TASOR2: variants seen among roughly 807,000 people sequenced by gnomAD.
TASOR2 encodes the protein transcription activation suppressor family member 2.
Under a neutral mutation model 199.5 loss-of-function variants are expected in TASOR2, and 84 were observed. The observed-to-expected ratio is 0.42, with a 90% CI of 0.35 to 0.50. TASOR2 has a LOEUF of 0.50. TASOR2 is among the 20% of genes least tolerant of loss of function. The pLI is 0.02. For synonymous variants in TASOR2, 1,103 were observed against 1,046.6 expected, an observed-to-expected ratio of 1.05 and a Z score of -1.04; for missense variants, 2,796 against 2,835.9, an observed-to-expected ratio of 0.99 and a Z score of 0.32.
At chr10:5,758,650 A>G (rs1839322521) in intron 17 of TASOR2, among the ~76,000 whole-genome samples, 1 of 152,162 alleles carries the variant, frequency 6.6e-6, no homozygotes, top group Admixed American at 6.5e-5. Flanking sequence ...TGACCACTCC[A>G]CTGTGTTCGT....
rs534918120 is a variant in TASOR2 at position 5,722,327 on chromosome 10, G to A, written c.147-1350G>A. On this transcript the variant is annotated intron_variant, in intron 6 of 20. Coordinates refer to ENST00000328090, the Ensembl canonical transcript of TASOR2. The surrounding 1 kb of genome is among the most constrained non-coding windows in gnomAD (Gnocchi z 4.0). The stretch of plus-strand genomic sequence containing the variant: ...AAAAATTAGCCGGGCGTGGTGGCAC[G>A]TGCCTGTGATCCTAGCTACTGGGGA... Among the ~76,000 whole-genome samples, 15 of 152,166 alleles carry A rather than the reference G, an allele frequency of 9.9e-5. No individual in the cohort carries two copies. The highest frequency in any genetic ancestry group is 2.1e-4 in the South Asian group (1 of 4,822).
Position 5,757,685 on chromosome 10 carries a change from TTTTCTTTTCCTG to T in TASOR2, c.6886+20_6886+31del. On this transcript the variant is annotated intron_variant, in intron 17 of 20. Coordinates refer to ENST00000328090, the Ensembl canonical transcript of TASOR2. ...AGCTGTAACATTAGGTTGGTCTTTA[TTTTCTTTTCCTG>T]TTTCTTTGAAGTCAGATCAACTTCT... 1.9e-6 allele frequency: 3 copies of T among 1,611,490 alleles called. No individual in the cohort carries two copies. The highest frequency in any genetic ancestry group is 2.5e-6 in the Non-Finnish European group (3 of 1,179,248).
In TASOR2 at chr10:5,750,897, TTGTCA is replaced by T. The variant is rs1220898280; in HGVS notation, c.6606+875_6606+879del. On this transcript the variant is annotated intron_variant, in intron 15 of 20. Coordinates refer to ENST00000328090, the Ensembl canonical transcript of TASOR2. The surrounding 1 kb of genome is among the most constrained non-coding windows in gnomAD (Gnocchi z 5.4). ...GGTCTAGGATCATAGGTGTCTAGAA[TTGTCA>T]TGTCTTCAGTCTGCAATAGTTCCTC... is the stretch of plus-strand genomic sequence containing the variant. Among the ~76,000 whole-genome samples the T allele has an allele frequency of 1.8e-4, 27 of 152,352 alleles. No individual in the cohort carries two copies. The highest frequency in any genetic ancestry group is 6.0e-4 in the African/African-American group (25 of 41,592).
intron 19 of TASOR2, 151 bp from the exon 21 acceptor site, chr10:5,762,381 T>C: frequency 2.7e-6 from 1 of 367,742 alleles, no homozygotes; most frequent in Non-Finnish European, 4.9e-6. Flanking sequence ...AAGCTTCAAA[T>C]CTTTTCTTAA....
intron 17 of TASOR2, 139 bp from the exon 19 acceptor site, chr10:5,758,748 G>A: frequency 1.6e-6 from 1 of 635,354 alleles, no homozygotes; most frequent in Non-Finnish European, 2.7e-6. Flanking sequence ...AACCACATAA[G>A]TGACAGTGAT....
intron 17 of TASOR2, among the ~76,000 whole-genome samples, chr10:5,758,338 C>T (rs1368108163): frequency 1.3e-5 from 2 of 152,072 alleles, no homozygotes; most frequent in African/African-American, 2.4e-5. Flanking sequence ...ATCAGGAGTT[C>T]AAGACCAGCC....
chr10:5,718,350 T>G (rs1050131314), intron 3 of TASOR2, among the ~76,000 whole-genome samples: 1 of 149,138 alleles, frequency 6.7e-6, no homozygotes, highest in African/African-American at 2.5e-5. Flanking sequence ...GTTACTATCT[T>G]AAATTCTTTG....
chr10:5,729,857 T>G (rs1186288911), intron 10 of TASOR2, among the ~76,000 whole-genome samples: 2 of 146,940 alleles, frequency 1.4e-5, no homozygotes, highest in Admixed American at 1.4e-4. Flanking sequence ...TTATTCATTT[T>G]CAAAAAAAAG....
intron 1 of TASOR2, among the ~76,000 whole-genome samples, chr10:5,704,814 A>G (rs1208899258): frequency 1.3e-5 from 2 of 152,160 alleles, no homozygotes; most frequent in South Asian, 2.1e-4. Context: ...TGAACCATTT[A>G]TATGTAGGAT....
chr10:5,725,514 C>T lies in TASOR2; in HGVS notation c.351+981C>T, dbSNP rs1833946332. Among the ~76,000 whole-genome samples, 2 of 151,866 alleles carry T rather than the reference C, an allele frequency of 1.3e-5. 1 individual carries two copies. Among genetic ancestry groups the T allele is most frequent in the South Asian group, 4.2e-4 (2 of 4,804 alleles). On this transcript the variant is annotated intron_variant, in intron 8 of 20. Coordinates refer to ENST00000328090, the Ensembl canonical transcript of TASOR2. ...TGGCATGGTGGAACACATCTGTAAT[C>T]CCATTACTTTGGGAGGCCAAGGTGG...
intron 1 of TASOR2, among the ~76,000 whole-genome samples, chr10:5,707,078 A>G (rs1229298517): frequency 6.6e-6 from 1 of 152,198 alleles, no homozygotes; most frequent in African/African-American, 2.4e-5. Context: ...TTGCTAACAA[A>G]TACTAGGATA....
At chr10:5,714,994 G>C (rs897057366) in intron 2 of TASOR2, among the ~76,000 whole-genome samples, 2 of 152,106 alleles carry the variant, frequency 1.3e-5, no homozygotes, top group Admixed American at 1.3e-4. Context: ...GGCAAAAACA[G>C]AACTTTTGGG....
At position 5,752,806 on chromosome 10, in the gene TASOR2, G is replaced by C. The variant is rs975346277; in HGVS notation, c.6606+2779G>C. 1.3e-5 allele frequency among the ~76,000 whole-genome samples: 2 copies of C among 152,220 alleles called. No homozygotes were observed. The highest frequency in any genetic ancestry group is 2.9e-5 in the Non-Finnish European group (2 of 68,048). On this transcript the variant is annotated intron_variant, in intron 15 of 20. Coordinates refer to ENST00000328090, the Ensembl canonical transcript of TASOR2. The surrounding 1 kb of genome is among the most constrained non-coding windows in gnomAD (Gnocchi z 4.4). Reference sequence around the variant, plus strand: ...CTTGTGCCAGAGGGCTGGTCAGAGTGAGTGAGCCATGTCAGCCAGAGGCTC... The same window carrying C: ...CTTGTGCCAGAGGGCTGGTCAGAGTCAGTGAGCCATGTCAGCCAGAGGCTC...
In TASOR2 at chr10:5,742,106, T is replaced by A. The variant is rs375929125; in HGVS notation, c.2337T>A (p.Asn779Lys). ...TTCTGTAAACTCTTAGGCCCTGGAA[T>A]ACTGATTTGCCTGATAATGTGGAAG... Residue 779 changes from asparagine (N) to lysine (K), a missense_variant, in exon 14 of 21, where the codon AAT (asparagine) becomes AAA (lysine). By Grantham distance (94) the Asn-to-Lys change is moderately conservative. This residue lies in a region of TASOR2 where 8 missense variants were observed against 23.6 expected (regional missense o/e 0.34). Coordinates refer to ENST00000328090, the Ensembl canonical transcript of TASOR2. The surrounding 1 kb of genome is among the most constrained non-coding windows in gnomAD (Gnocchi z 4.2). 1.9e-6 allele frequency: 3 copies of A among 1,613,878 alleles called. No homozygotes were observed. The highest frequency in any genetic ancestry group is 2.2e-5 in the South Asian group (2 of 90,994).
intron 2 of TASOR2, among the ~76,000 whole-genome samples, chr10:5,717,006 T>C (rs1235593031): frequency 1.5e-5 from 2 of 132,750 alleles, no homozygotes; most frequent in Non-Finnish European, 3.2e-5. Context: ...AAATTACAAA[T>C]AACCACTGCA....
rs1466732389 is a variant in TASOR2 at position 5,719,782 on chromosome 10, T to C, written c.-99-762T>C. On this transcript the variant is annotated intron_variant, in intron 3 of 20. Transcript: ENST00000328090. This position sits in a 1 kb window ranked among gnomAD's most constrained non-coding sequence, Gnocchi z 4.1. ...GCTACATATTTGCTCCTTGTTAACT[T>C]GCTGGGCCCTGTCATAATAGAAGTA... 6.6e-6 allele frequency among the ~76,000 whole-genome samples: 1 copy of C among 152,184 alleles called. No homozygotes were observed. The highest frequency in any genetic ancestry group is 2.4e-5 in the African/African-American group (1 of 41,438).
rs145238645 is a variant in TASOR2 at position 5,707,060 on chromosome 10, T to C, written c.-287-5763T>C. Among the ~76,000 whole-genome samples, 13 of 150,924 alleles carry C rather than the reference T, an allele frequency of 8.6e-5. No homozygotes were observed. The East Asian group carries it at 2.5e-3, about 29-fold the overall frequency. ...TAGCCATTGTTATCATTAATAACAA[T>C]AGCTTCCTTGCTAACAAATACTAGG... is the stretch of plus-strand genomic sequence containing the variant. On this transcript the variant is annotated intron_variant, in intron 1 of 20. Coordinates refer to ENST00000328090, the Ensembl canonical transcript of TASOR2.
chr10:5,726,994 T>G (rs1834128229), intron 9 of TASOR2, 37 bp downstream of exon 10: 1 of 1,613,124 alleles, frequency 6.2e-7, no homozygotes, highest in East Asian at 2.2e-5. Flanking sequence ...TATTTTTCAT[T>G]ATGTTTACTT....
rs914222341 is a variant in TASOR2 at position 5,685,015 on chromosome 10, A to AG, written c.-442dup. The stretch of plus-strand genomic sequence containing the variant: ...GGCTGGGGCGGACGGCGTGCCCCTG[A>AG]GGGGGGTCCCCGCGGGAGCGCGGAG... On this transcript the variant is annotated 5_prime_UTR_variant, in exon 1 of 21. Coordinates refer to ENST00000328090, the Ensembl canonical transcript of TASOR2. The surrounding 1 kb of genome is among the most constrained non-coding windows in gnomAD (Gnocchi z 5.4). 3.0e-5 allele frequency: 12 copies of AG among 397,564 alleles called. No homozygotes were observed. Among genetic ancestry groups the AG allele is most frequent in the Middle Eastern group, 6.3e-4 (1 of 1,584 alleles). The allele number at this position is 397,564 out of a possible 1,614,324, so 24.6% of individuals were successfully genotyped here. A position where few individuals can be genotyped will look rare whatever the true frequency, so the allele number is the denominator to read the frequency against.
Sources: gnomAD v4.1 joint callset for allele counts (sites outside exome capture counted in the v4.1 genomes callset) on GRCh38, gnomAD v4.1.1 for gene constraint, gnomAD v4.1.1 regional missense constraint, Gnocchi (gnomAD v3.1) non-coding constraint, MANE v1.5 for transcripts, NCBI Gene and HGNC (gene_info 2026-07-23, HGNC 2026-07-21) for gene names.